The following NALF1 variants were observed in gnomAD, a reference collection of about 807,000 sequenced individuals.
The protein encoded by NALF1 is NALCN channel auxiliary factor 1.
Under a neutral mutation model 48.4 loss-of-function variants are expected in NALF1, and 3 were observed. The observed-to-expected ratio is 0.06, with a 90% confidence interval of 0.03 to 0.16. NALF1 has a LOEUF of 0.16. NALF1 is among the 10% of genes least tolerant of loss of function. The probability of loss-of-function intolerance (pLI) is 1.00; values close to 1 mark genes in which losing one functional copy is unlikely to be tolerated. For missense variants in NALF1, 526 were observed against 571.5 expected (o/e 0.92, Z 0.81); for synonymous variants, 262 against 245.7 (o/e 1.07, Z -0.62).
At chr13:107,366,187 T>C (rs4468469) in intron 1 of NALF1, among the ~76,000 whole-genome samples, 60,823 of 151,992 alleles carry the variant, frequency 0.4, 12,482 homozygotes, top group African/African-American at 0.48. Flanking sequence ...GAAGTGTTTC[T>C]CTGGGACTGA....
intron 1 of NALF1, among the ~76,000 whole-genome samples, chr13:107,709,941 A>G (rs1419111030): frequency 1.3e-5 from 2 of 152,172 alleles, no homozygotes; most frequent in South Asian, 2.1e-4. Context: ...ATTTAATTGG[A>G]AAGAGCTCAA....
intron 2 of NALF1, among the ~76,000 whole-genome samples, chr13:107,201,836 A>G (rs1007483131): frequency 5.9e-5 from 9 of 152,158 alleles, no homozygotes; most frequent in Non-Finnish European, 1.0e-4. Flanking sequence ...TCCCTCAGGT[A>G]ATGACATATT....
intron 1 of NALF1, among the ~76,000 whole-genome samples, chr13:107,674,431 T>G (rs991649151): frequency 6.6e-6 from 1 of 152,248 alleles, no homozygotes; most frequent in Non-Finnish European, 1.5e-5. Flanking sequence ...GAATATGACC[T>G]GTGCTTTCAT....
At chr13:107,784,081 T>G (rs555994015) in intron 1 of NALF1, among the ~76,000 whole-genome samples, 136 of 152,206 alleles carry the variant, frequency 8.9e-4, no homozygotes, top group Non-Finnish European at 1.6e-3. Context: ...CAGCTGTAGA[T>G]AGTATTTTAG....
intron 1 of NALF1, among the ~76,000 whole-genome samples, chr13:107,341,190 G>A (rs1882673891): frequency 6.6e-6 from 1 of 152,036 alleles, no homozygotes; most frequent in African/African-American, 2.4e-5. Context: ...TCTCTTGACT[G>A]GATGAAGATT....
At chr13:107,325,233 A>T (rs1287289646) in intron 1 of NALF1, among the ~76,000 whole-genome samples, 1 of 152,168 alleles carries the variant, frequency 6.6e-6, no homozygotes, top group Non-Finnish European at 1.5e-5. Context: ...TCATATGCAT[A>T]AAAAATAAAA....
chr13:107,213,825 G>A (rs1488570462), intron 1 of NALF1, among the ~76,000 whole-genome samples: 1 of 152,200 alleles, frequency 6.6e-6, no homozygotes, highest in Non-Finnish European at 1.5e-5. Flanking sequence ...TGTGTTATGT[G>A]AAGAACGGAG....
Position 107,602,194 on chromosome 13 carries a change from A to C in NALF1, c.915+263488T>G, listed in dbSNP as rs9555383. 0.021 allele frequency among the ~76,000 whole-genome samples: 3,121 copies of C among 152,236 alleles called. 215 individuals are homozygous for C. In the East Asian group the frequency reaches 0.26, roughly 13 times the overall value. On this transcript the variant is annotated intron_variant, in intron 1 of 2. Transcript: ENST00000375915. ...GTAATAAATGACAGGTTTGGCCAAG[A>C]AGATCTACAGATTATTCAGTTCTAA...
intron 1 of NALF1, among the ~76,000 whole-genome samples, chr13:107,539,680 G>A (rs1329592828): frequency 6.6e-6 from 1 of 152,082 alleles, no homozygotes; most frequent in Non-Finnish European, 1.5e-5. Context: ...TTTATATAGA[G>A]TTAATTAAAT....
chr13:107,375,830 T>C (rs1883326043), intron 1 of NALF1, among the ~76,000 whole-genome samples: 1 of 151,946 alleles, frequency 6.6e-6, no homozygotes. Flanking sequence ...TAGGGAGTAG[T>C]ATTGGGAAAC....
At chr13:107,294,471 A>AT (rs1211093719) in intron 1 of NALF1, among the ~76,000 whole-genome samples, 1 of 152,232 alleles carries the variant, frequency 6.6e-6, no homozygotes, top group Non-Finnish European at 1.5e-5. Context: ...AATGATAACT[A>AT]TAACAACACT....
intron 1 of NALF1, among the ~76,000 whole-genome samples, chr13:107,365,848 T>C (rs1883143487): frequency 6.6e-6 from 1 of 152,198 alleles, no homozygotes; most frequent in Non-Finnish European, 1.5e-5. Flanking sequence ...CCTACTCCCG[T>C]TCACTATGCA....
At chr13:107,763,630 C>T (rs1877332827) in intron 1 of NALF1, among the ~76,000 whole-genome samples, 1 of 152,060 alleles carries the variant, frequency 6.6e-6, no homozygotes, top group South Asian at 2.1e-4. Context: ...AAAAGCAGCA[C>T]ATAGATATTA....
At chr13:107,256,518 A>G (rs1353325225) in intron 1 of NALF1, among the ~76,000 whole-genome samples, 1 of 152,238 alleles carries the variant, frequency 6.6e-6, no homozygotes, top group Admixed American at 6.5e-5. Flanking sequence ...GAGTAGCATG[A>G]CAAATGAGGA....
At position 107,269,812 on chromosome 13, in the gene NALF1, CT is replaced by C. The variant is rs564148932; in HGVS notation, c.916-59058del. On this transcript the variant is annotated intron_variant, in intron 1 of 2. Transcript: ENST00000375915. ...TATTATATAAGGAAGAAATATGTTT[CT>C]TTTTTTTTTTTGCAAGCTCCGCCTC... 1.6e-3 allele frequency among the ~76,000 whole-genome samples: 204 copies of C among 129,682 alleles called. 1 individual carries two copies. The highest frequency in any genetic ancestry group is 0.014 in the South Asian group (54 of 3,906). 85.1% of individuals were successfully genotyped at this position (129,682 alleles called of 152,430 possible).
chr13:107,776,623 AATC>A (rs1877737453), intron 1 of NALF1, among the ~76,000 whole-genome samples: 1 of 152,226 alleles, frequency 6.6e-6, no homozygotes, highest in African/African-American at 2.4e-5. Flanking sequence ...GTGTGCTAGA[AATC>A]ATGATAGATC....
At chr13:107,446,690 T>C (rs148686904) in intron 1 of NALF1, among the ~76,000 whole-genome samples, 18 of 152,328 alleles carry the variant, frequency 1.2e-4, no homozygotes, top group African/African-American at 4.3e-4. Context: ...TCTTAATTTT[T>C]GTTCATTCAC....
At chr13:107,457,150 C>A (rs957947210) in intron 1 of NALF1, among the ~76,000 whole-genome samples, 2 of 152,042 alleles carry the variant, frequency 1.3e-5, no homozygotes, top group African/African-American at 4.8e-5. Flanking sequence ...ATAAATGCTG[C>A]CTTAACACTA....
intron 1 of NALF1, among the ~76,000 whole-genome samples, chr13:107,387,848 G>T (rs1883556108): frequency 6.6e-6 from 1 of 152,190 alleles, no homozygotes; most frequent in South Asian, 2.1e-4. Flanking sequence ...TGATTAAAAT[G>T]CTACCCTTGA....
Sources: gnomAD v4.1 joint callset for allele counts (sites outside exome capture counted in the v4.1 genomes callset) on GRCh38, gnomAD v4.1.1 for gene constraint, MANE v1.5 for transcripts, NCBI Gene and HGNC (gene_info 2026-07-23, HGNC 2026-07-21) for gene names.